The following DLG2 variants were observed in gnomAD, a reference collection of about 807,000 sequenced individuals.
DLG2 encodes disks large homolog 2.
DLG2 carries 45 observed loss-of-function variants against 132.5 expected under a neutral mutation model. The observed-to-expected ratio is 0.34, with a 90% confidence interval of 0.27 to 0.44. The LOEUF (loss-of-function observed/expected upper bound fraction) is 0.44, where lower values mean the gene tolerates loss of function less well. DLG2 is among the 20% of genes least tolerant of loss of function. The pLI is 1.00. For missense variants in DLG2, 1,045 were observed against 1,196.9 expected (o/e 0.87, Z 1.87); for synonymous variants, 424 against 419.6 (o/e 1.01, Z -0.13).
At chr11:84,784,321 AAAATAAATAAATAAATAAAT>A (rs58436058) in intron 6 of DLG2, among the ~76,000 whole-genome samples, 1 of 124,466 alleles carries the variant, frequency 8.0e-6, no homozygotes, top group African/African-American at 2.9e-5. Context: ...ACTCCACCTC[AAAATAAATAAATAAATAAAT>A]AAATAAATAA....
At chr11:83,985,379 A>G (rs1234339234) in intron 11 of DLG2, among the ~76,000 whole-genome samples, 1 of 151,822 alleles carries the variant, frequency 6.6e-6, no homozygotes. Context: ...TCTGGGGTAC[A>G]TATGCAATAT....
intron 6 of DLG2, chr11:84,997,191 A>T (rs1431411408): frequency 6.5e-6 from 1 of 153,116 alleles, no homozygotes; most frequent in Non-Finnish European, 1.5e-5. Flanking sequence ...ACTGCACATC[A>T]AAAATTACAC....
At chr11:84,537,272 A>G (rs972162236) in intron 6 of DLG2, among the ~76,000 whole-genome samples, 1 of 151,398 alleles carries the variant, frequency 6.6e-6, no homozygotes, top group Non-Finnish European at 1.5e-5. Flanking sequence ...ACGCCTGGCT[A>G]TTTTTTTTAT....
chr11:83,879,926 A>C (rs540468427), intron 15 of DLG2, among the ~76,000 whole-genome samples: 6 of 152,202 alleles, frequency 3.9e-5, no homozygotes. Context: ...TTGGCAAACT[A>C]CCTAAGCTAT....
At chr11:85,289,436 TG>T (rs1486424791) in intron 3 of DLG2, among the ~76,000 whole-genome samples, 10 of 152,110 alleles carry the variant, frequency 6.6e-5, no homozygotes, top group African/African-American at 2.4e-4. Flanking sequence ...AAACAATATT[TG>T]AAGTCAGAGA....
chr11:83,542,207 A>G (rs1463539929), intron 19 of DLG2, among the ~76,000 whole-genome samples: 2 of 152,176 alleles, frequency 1.3e-5, no homozygotes, highest in Non-Finnish European at 2.9e-5. Context: ...TCAAATTTTT[A>G]AAATTACTAA....
At chr11:84,990,601 G>A (rs991431466) in intron 6 of DLG2, among the ~76,000 whole-genome samples, 1 of 151,796 alleles carries the variant, frequency 6.6e-6, no homozygotes, top group African/African-American at 2.4e-5. Flanking sequence ...ATAGCAGCAG[G>A]AATGGACTAA....
intron 6 of DLG2, among the ~76,000 whole-genome samples, chr11:84,535,763 C>T (rs1453955682): frequency 2.0e-5 from 3 of 152,196 alleles, no homozygotes; most frequent in Admixed American, 6.5e-5. Flanking sequence ...GAACCCTCTA[C>T]ATCTGACCTC....
chr11:84,935,284 C>G (rs1313834087), intron 6 of DLG2, among the ~76,000 whole-genome samples: 2 of 152,144 alleles, frequency 1.3e-5, no homozygotes, highest in Admixed American at 6.6e-5. Flanking sequence ...ACTTTTGACC[C>G]AGATCTATGA....
intron 7 of DLG2, among the ~76,000 whole-genome samples, chr11:84,451,474 T>A (rs1282436802): frequency 6.6e-6 from 1 of 151,844 alleles, no homozygotes; most frequent in African/African-American, 2.4e-5. Flanking sequence ...GACATCCACA[T>A]TCATGTAAAA....
At chr11:84,355,813 T>C (rs1188972860) in intron 7 of DLG2, among the ~76,000 whole-genome samples, 1 of 152,112 alleles carries the variant, frequency 6.6e-6, no homozygotes, top group African/African-American at 2.4e-5. Context: ...GAAGGGTTAG[T>C]GTATCCTGAA....
At chr11:83,461,212 T>C (rs2089929613) in intron 27 of DLG2, among the ~76,000 whole-genome samples, 1 of 151,994 alleles carries the variant, frequency 6.6e-6, no homozygotes, top group Non-Finnish European at 1.5e-5. Context: ...GGTTTCACTA[T>C]GTTGGCCAGG....
At chr11:84,916,047 C>T (rs1192602288) in intron 6 of DLG2, among the ~76,000 whole-genome samples, 2 of 151,946 alleles carry the variant, frequency 1.3e-5, no homozygotes, top group Non-Finnish European at 2.9e-5. Flanking sequence ...TAAAAATGTT[C>T]AGAGGATTAA....
intron 6 of DLG2, among the ~76,000 whole-genome samples, chr11:84,804,571 TC>T (rs529172087): frequency 7.4e-4 from 113 of 152,346 alleles, no homozygotes; most frequent in Middle Eastern, 6.8e-3. Flanking sequence ...CTCTAGGTTT[TC>T]TTTTGCTTCA....
intron 6 of DLG2, among the ~76,000 whole-genome samples, chr11:84,973,350 C>A (rs1370951660): frequency 2.6e-5 from 4 of 152,088 alleles, no homozygotes; most frequent in African/African-American, 7.2e-5. Flanking sequence ...TCAGATAGTG[C>A]AGGAGGCGTC....
intron 6 of DLG2, among the ~76,000 whole-genome samples, chr11:84,826,282 A>T (rs908815937): frequency 6.6e-6 from 1 of 151,864 alleles, no homozygotes; most frequent in Admixed American, 6.6e-5. Flanking sequence ...GCTAGCAAAT[A>T]GTAGGCCTTA....
chr11:84,999,007 T>C (rs996532348), intron 6 of DLG2, among the ~76,000 whole-genome samples: 1 of 151,670 alleles, frequency 6.6e-6, no homozygotes, highest in East Asian at 1.9e-4. Flanking sequence ...TCTAAGTGTT[T>C]GGAGTGAGAG....
At chr11:85,057,880 T>C (rs763583073) in intron 6 of DLG2, among the ~76,000 whole-genome samples, 26 of 151,544 alleles carry the variant, frequency 1.7e-4, no homozygotes, top group Non-Finnish European at 2.8e-4. Flanking sequence ...ACAGAAAATA[T>C]ACTTTATAAA....
chr11:84,888,164 G>T (rs1251872904), intron 6 of DLG2, among the ~76,000 whole-genome samples: 1 of 152,066 alleles, frequency 6.6e-6, no homozygotes, highest in Non-Finnish European at 1.5e-5. Context: ...GCTAAGAGAT[G>T]CCCAGATAGC....
Sources: gnomAD v4.1 joint callset for allele counts (sites outside exome capture counted in the v4.1 genomes callset) on GRCh38, gnomAD v4.1.1 for gene constraint, MANE v1.5 for transcripts, NCBI Gene and HGNC (gene_info 2026-07-23, HGNC 2026-07-21) for gene names.